AGBL4: variants seen among roughly 807,000 people sequenced by gnomAD.
AGBL4 encodes the protein cytosolic carboxypeptidase 6.
A neutral mutation model predicts 66.4 loss-of-function variants in AGBL4; 58 were observed. The ratio of observed to expected loss-of-function variants is 0.87; its 90% confidence interval spans 0.71 to 1.09. AGBL4 has a LOEUF of 1.09. Among genes scored for constraint, AGBL4 ranks in the 50% least tolerant of loss-of-function variants. The pLI, the probability that AGBL4 is intolerant of heterozygous loss-of-function variation, is 0.00. For missense variants in AGBL4, 579 were observed against 631.0 expected, an observed-to-expected ratio of 0.92 and a Z score of 0.88; for synonymous variants, 234 against 222.9, an observed-to-expected ratio of 1.05 and a Z score of -0.44.
chr1:49,320,775 C>A (rs143122563), intron 3 of AGBL4, among the ~76,000 whole-genome samples: 30 of 152,204 alleles, frequency 2.0e-4, no homozygotes, highest in African/African-American at 7.2e-4. Context: ...AAAGATACTA[C>A]CTGAGACTGA....
intron 1 of AGBL4, among the ~76,000 whole-genome samples, chr1:49,991,276 A>G (rs1390426141): frequency 6.6e-6 from 1 of 152,182 alleles, no homozygotes; most frequent in African/African-American, 2.4e-5. Context: ...GAGACAATAT[A>G]ATATGAATTC....
chr1:49,723,026 A>T (rs545612129), intron 2 of AGBL4, among the ~76,000 whole-genome samples: 1 of 152,226 alleles, frequency 6.6e-6, no homozygotes, highest in South Asian at 2.1e-4. Context: ...AATTAACCTA[A>T]TACCATATGC....
chr1:49,746,456 C>T (rs1650994197), intron 2 of AGBL4, among the ~76,000 whole-genome samples: 1 of 152,040 alleles, frequency 6.6e-6, no homozygotes, highest in African/African-American at 2.4e-5. Flanking sequence ...AAAAACTACA[C>T]TTATTGTAGA....
intron 6 of AGBL4, among the ~76,000 whole-genome samples, chr1:48,827,754 G>C (rs753276382): frequency 2.6e-5 from 4 of 152,180 alleles, no homozygotes; most frequent in Non-Finnish European, 4.4e-5. Flanking sequence ...TTTTCCACAG[G>C]CTGGGGGATG....
chr1:49,057,312 T>C (rs1254037897), intron 4 of AGBL4, among the ~76,000 whole-genome samples: 1 of 152,036 alleles, frequency 6.6e-6, no homozygotes, highest in Admixed American at 6.6e-5. Context: ...CAGCTACTTG[T>C]GGGGCTGAGG....
chr1:49,857,495 C>G lies in AGBL4; in HGVS notation c.35-5977G>C, dbSNP rs535252200. 2.6e-5 allele frequency among the ~76,000 whole-genome samples: 4 copies of G among 152,062 alleles called. No individual in the cohort carries two copies. The East Asian group carries it at 7.7e-4, about 29-fold the overall frequency. On this transcript the variant is annotated intron_variant, in intron 1 of 13. Transcript: ENST00000371839. ...TGCCAAAACAAAAAGCCATAATAGT[C>G]AAAATAACACAGTGTTAGTAAATAA...
chr1:49,243,173 C>T (rs1048897808), intron 4 of AGBL4, among the ~76,000 whole-genome samples: 8 of 151,286 alleles, frequency 5.3e-5, no homozygotes, highest in South Asian at 2.1e-4. Context: ...TTTGGAATAT[C>T]GAAGGAGGTA....
chr1:49,415,239 C>T (rs1024585582), intron 3 of AGBL4, among the ~76,000 whole-genome samples: 1 of 152,082 alleles, frequency 6.6e-6, no homozygotes, highest in Non-Finnish European at 1.5e-5. Context: ...ATATCTCCTA[C>T]TACATTTTGA....
chr1:49,874,272 C>T (rs577327741), intron 1 of AGBL4, among the ~76,000 whole-genome samples: 1 of 152,124 alleles, frequency 6.6e-6, no homozygotes, highest in African/African-American at 2.4e-5. Context: ...TCTTTGCAGT[C>T]TTGGAGTAGG....
At chr1:48,591,112 AC>A (rs1644913451) in intron 9 of AGBL4, 127 bp from the exon 10 acceptor site, 1 of 728,126 alleles carries the variant, frequency 1.4e-6, no homozygotes, top group Admixed American at 3.9e-5. Context: ...ACACACACAC[AC>A]ATCAAGCTGA....
chr1:49,365,349 A>G (rs924059149), intron 3 of AGBL4, among the ~76,000 whole-genome samples: 1 of 152,072 alleles, frequency 6.6e-6, no homozygotes, highest in African/African-American at 2.4e-5. Flanking sequence ...AAACAATAGT[A>G]ATAATGATAA....
At chr1:48,859,649 G>C (rs1170532894) in intron 6 of AGBL4, among the ~76,000 whole-genome samples, 1 of 152,196 alleles carries the variant, frequency 6.6e-6, no homozygotes, top group East Asian at 1.9e-4. Flanking sequence ...AAGATACAAA[G>C]CATAACTGGC....
rs1171374859 is a variant in AGBL4, at chr1:49,530,273, C to CAAAAAAAAAAAAAAAA, written c.282+167039_282+167040insTTTTTTTTTTTTTTTT. The stretch of plus-strand genomic sequence containing the variant: ...AGTAGAATTTGTAAAAAAAAAAAAA[C>CAAAAAAAAAAAAAAAA]AAAAAAAAACTCTATGAGTTTTTTT... On this transcript the variant is annotated intron_variant, in intron 3 of 13. Coordinates refer to ENST00000371839, the MANE Select transcript of AGBL4 (RefSeq NM_032785.4). Among the ~76,000 whole-genome samples, 59 of 111,946 alleles carry CAAAAAAAAAAAAAAAA rather than the reference C, an allele frequency of 5.3e-4. 3 individuals are homozygous for CAAAAAAAAAAAAAAAA. The highest frequency in any genetic ancestry group is 8.7e-4 in the Non-Finnish European group (50 of 57,374). 73.4% of individuals were successfully genotyped at this position (111,946 alleles called of 152,430 possible).
At chr1:49,081,695 C>A (rs1439662434) in intron 4 of AGBL4, among the ~76,000 whole-genome samples, 1 of 152,182 alleles carries the variant, frequency 6.6e-6, no homozygotes, top group Non-Finnish European at 1.5e-5. Flanking sequence ...AAAAGGCACT[C>A]ACCAAGCCAA....
intron 3 of AGBL4, among the ~76,000 whole-genome samples, chr1:49,387,371 C>T (rs570620024): frequency 1.3e-4 from 19 of 151,930 alleles, no homozygotes; most frequent in African/African-American, 4.3e-4. Flanking sequence ...ATCATTTATG[C>T]CTCACTTTTA....
intron 2 of AGBL4, among the ~76,000 whole-genome samples, chr1:49,790,957 G>A (rs1258978277): frequency 6.6e-6 from 1 of 152,148 alleles, no homozygotes; most frequent in Non-Finnish European, 1.5e-5. Context: ...GCTTTATAAT[G>A]TACAAAATAT....
intron 2 of AGBL4, among the ~76,000 whole-genome samples, chr1:49,777,437 T>C (rs1469076728): frequency 6.6e-6 from 1 of 152,184 alleles, no homozygotes; most frequent in Admixed American, 6.5e-5. Context: ...ATCATTAAAA[T>C]ATATTTAGAA....
At chr1:49,185,731 T>C (rs559717028) in intron 4 of AGBL4, among the ~76,000 whole-genome samples, 60 of 152,262 alleles carry the variant, frequency 3.9e-4, no homozygotes, top group Admixed American at 3.7e-3. Context: ...TCATTTTACT[T>C]GGCTTATGCA....
intron 3 of AGBL4, among the ~76,000 whole-genome samples, chr1:49,628,879 A>C (rs531325890): frequency 6.6e-6 from 1 of 152,200 alleles, no homozygotes; most frequent in East Asian, 1.9e-4. Flanking sequence ...GCTGCCTGCT[A>C]TGTTCCCGAG....
Sources: allele counts gnomAD v4.1 joint callset (sites outside exome capture counted in the v4.1 genomes callset), GRCh38; gene constraint gnomAD v4.1.1; transcripts MANE v1.5; gene names NCBI Gene and HGNC (gene_info 2026-07-23, HGNC 2026-07-21).